LPAR1: variants seen among roughly 807,000 people sequenced by gnomAD.
LPAR1 encodes LPA receptor 1.
In LPAR1, 5 loss-of-function variants were observed where a neutral mutation model predicts 23.8. That is an observed-to-expected ratio of 0.21 (90% confidence interval 0.11 to 0.44). The LOEUF (loss-of-function observed/expected upper bound fraction) is 0.44, where lower values mean the gene tolerates loss of function less well. Among genes scored for constraint, LPAR1 ranks in the 20% least tolerant of loss-of-function variants. The pLI, the probability that LPAR1 is intolerant of heterozygous loss-of-function variation, is 0.99. For missense variants in LPAR1, 311 were observed against 482.8 expected, an observed-to-expected ratio of 0.64 and a Z score of 3.33; for synonymous variants, 160 against 164.7, an observed-to-expected ratio of 0.97 and a Z score of 0.22.
At chr9:110,981,245 A>C (rs2096659881) in intron 2 of LPAR1, among the ~76,000 whole-genome samples, 1 of 152,138 alleles carries the variant, frequency 6.6e-6, no homozygotes, top group Non-Finnish European at 1.5e-5. Flanking sequence ...AAGGAGGAAG[A>C]GAGGCAGTGC....
chr9:110,971,866 T>C lies in LPAR1; in HGVS notation c.45+207A>G, dbSNP rs573774764. On this transcript the variant is annotated intron_variant, in intron 4 of 5. Transcript: ENST00000683809. The stretch of plus-strand genomic sequence containing the variant: ...AAGGCCTCCTATGAACAGAGGCCAG[T>C]TCACTAAAATCACTTGTTCATTGTT... Among the ~76,000 whole-genome samples, 12 of 152,126 alleles carry C rather than the reference T, an allele frequency of 7.9e-5. No individual in the cohort carries two copies. In the East Asian group the frequency reaches 1.9e-3, roughly 25 times the overall value.
chr9:110,884,296 C>T (rs1385607581), intron 5 of LPAR1, among the ~76,000 whole-genome samples: 1 of 152,194 alleles, frequency 6.6e-6, no homozygotes, highest in Non-Finnish European at 1.5e-5. Flanking sequence ...CCTACTCACA[C>T]TTTACTTACC....
chr9:110,992,055 A>T (rs764172833), intron 2 of LPAR1, among the ~76,000 whole-genome samples: 13 of 152,132 alleles, frequency 8.5e-5, no homozygotes, highest in Non-Finnish European at 1.8e-4. Flanking sequence ...ACAAACAGAA[A>T]AACTGAACTT....
intron 2 of LPAR1, among the ~76,000 whole-genome samples, chr9:111,010,300 T>C (rs1362035024): frequency 6.6e-6 from 1 of 151,904 alleles, no homozygotes; most frequent in African/African-American, 2.4e-5. Context: ...ATGTTAACAG[T>C]GGCTGTTCCT....
At chr9:110,952,726 C>T (rs2095608525) in intron 4 of LPAR1, among the ~76,000 whole-genome samples, 2 of 152,078 alleles carry the variant, frequency 1.3e-5, no homozygotes. Context: ...AGCAGTAGGA[C>T]CACAGCACAG....
intron 5 of LPAR1, among the ~76,000 whole-genome samples, chr9:110,900,442 T>C (rs1038948086): frequency 3.3e-5 from 5 of 152,232 alleles, no homozygotes; most frequent in African/African-American, 1.2e-4. Flanking sequence ...AAATTACATT[T>C]GTAAATGATT....
In LPAR1 at chr9:110,875,497, C is replaced by T. The variant is rs2078873118; in HGVS notation, c.1019G>A (p.Gly340Asp). 3 of 1,614,024 alleles carry T rather than the reference C, an allele frequency of 1.9e-6. No individual in the cohort carries two copies. Residue 340 changes from glycine to aspartate, a missense_variant, in exon 6 of 6, where the codon GGC becomes GAC. This residue lies in a region of LPAR1 where 250 missense variants were observed against 427.2 expected (regional missense o/e 0.59). Coordinates refer to ENST00000683809, the MANE Select transcript of LPAR1 (RefSeq NM_001351411.2). Reference protein sequence around the residue: ...RSENPTGPTEGSDRSASSLNH... With the variant: ...RSENPTGPTEDSDRSASSLNH... ...GAGGGAGGAAGCCGAGCGGTCTGAG[C>T]CTTCTGTGGGGCCGGTGGGGTTCTC... is the stretch of plus-strand genomic sequence containing the variant.
intron 5 of LPAR1, among the ~76,000 whole-genome samples, chr9:110,917,212 G>A (rs1476054616): frequency 6.6e-6 from 1 of 151,384 alleles, no homozygotes; most frequent in Non-Finnish European, 1.5e-5. Context: ...AGCCAGGCAT[G>A]GTGGTACATG....
chr9:111,004,758 T>G (rs1488160068), intron 2 of LPAR1, among the ~76,000 whole-genome samples: 1 of 152,198 alleles, frequency 6.6e-6, no homozygotes, highest in East Asian at 1.9e-4. Context: ...TTACTCTCCT[T>G]AGGCCATCTT....
At chr9:111,002,257 C>T (rs1435283187) in intron 2 of LPAR1, among the ~76,000 whole-genome samples, 1 of 152,108 alleles carries the variant, frequency 6.6e-6, no homozygotes, top group African/African-American at 2.4e-5. Flanking sequence ...TGATAAAATA[C>T]AAGCTATCAT....
chr9:111,001,443 C>G (rs890472004), intron 2 of LPAR1, among the ~76,000 whole-genome samples: 3 of 151,904 alleles, frequency 2.0e-5, no homozygotes, highest in Non-Finnish European at 4.4e-5. Flanking sequence ...CAGAGGTACA[C>G]AAAGTTTCAA....
intron 5 of LPAR1, among the ~76,000 whole-genome samples, chr9:110,936,894 A>ACATG (rs1432303245): frequency 6.6e-6 from 1 of 152,190 alleles, no homozygotes; most frequent in African/African-American, 2.4e-5. Context: ...ATAATTCAAG[A>ACATG]CATGCCATGG....
At chr9:111,009,243 T>C (rs1030265154) in intron 2 of LPAR1, among the ~76,000 whole-genome samples, 4 of 152,054 alleles carry the variant, frequency 2.6e-5, no homozygotes, top group African/African-American at 7.2e-5. Context: ...AGATATTCAG[T>C]AGGTGAGTAA....
intron 3 of LPAR1, among the ~76,000 whole-genome samples, chr9:110,972,949 AAAAAAGAAAAAG>A (rs924058967): frequency 2.0e-5 from 3 of 152,100 alleles, no homozygotes; most frequent in Admixed American, 6.5e-5. Flanking sequence ...TCCTTCTCAA[AAAAAAGAAAAAG>A]AAAAAGAAAA....
chr9:110,990,723 AAGC>A (rs2096877145), intron 2 of LPAR1, among the ~76,000 whole-genome samples: 1 of 152,108 alleles, frequency 6.6e-6, no homozygotes. Flanking sequence ...AAATCAAAGT[AAGC>A]AGGAAAAAAT....
At chr9:111,010,143 A>G (rs1295808996) in intron 2 of LPAR1, among the ~76,000 whole-genome samples, 1 of 151,544 alleles carries the variant, frequency 6.6e-6, no homozygotes, top group African/African-American at 2.4e-5. Context: ...CAATATATCT[A>G]TATATTTATA....
intron 5 of LPAR1, among the ~76,000 whole-genome samples, chr9:110,926,638 CA>C (rs1288270635): frequency 1.3e-5 from 2 of 152,062 alleles, no homozygotes; most frequent in Admixed American, 1.3e-4. Context: ...TAGTGTGAAA[CA>C]ATCTATTTTC....
intron 2 of LPAR1, among the ~76,000 whole-genome samples, chr9:110,980,397 G>A (rs1309149447): frequency 6.6e-6 from 1 of 151,974 alleles, no homozygotes; most frequent in Admixed American, 6.6e-5. Context: ...TAGGAAGCAA[G>A]CAAGGACTCC....
chr9:110,950,812 T>G (rs866542833), intron 4 of LPAR1, among the ~76,000 whole-genome samples: 4 of 152,320 alleles, frequency 2.6e-5, no homozygotes, highest in Non-Finnish European at 4.4e-5. Context: ...ATTTTCCCAG[T>G]ATCAATATAT....
Sources: allele counts gnomAD v4.1 joint callset (sites outside exome capture counted in the v4.1 genomes callset), GRCh38; gene constraint gnomAD v4.1.1; regional missense constraint gnomAD v4.1.1; transcripts MANE v1.5; gene names NCBI Gene and HGNC (gene_info 2026-07-23, HGNC 2026-07-21).